The following KIF26B variants were observed in gnomAD, a reference collection of about 807,000 sequenced individuals.
KIF26B encodes kinesin family member 26B.
Under a neutral mutation model 151.2 loss-of-function variants are expected in KIF26B, and 63 were observed. The ratio of observed to expected loss-of-function variants is 0.42; its 90% CI spans 0.34 to 0.51. The LOEUF is 0.51. KIF26B is among the 20% of genes least tolerant of loss of function. KIF26B has a pLI of 0.07. For missense variants in KIF26B, 2,813 were observed against 2,913.6 expected (o/e 0.97, Z 0.79); for synonymous variants, 1,357 against 1,262.1 (o/e 1.08, Z -1.59).
intron 2 of KIF26B, among the ~76,000 whole-genome samples, chr1:245,294,124 T>C (rs1671299162): frequency 6.6e-6 from 1 of 152,164 alleles, no homozygotes; most frequent in South Asian, 2.1e-4. Flanking sequence ...ACGGAGTCTA[T>C]GGCAAGGTTC....
chr1:245,602,915 C>A lies in KIF26B; in HGVS notation c.1557+132C>A. On this transcript the variant is annotated intron_variant, in intron 6 of 14. Transcript: ENST00000407071. The surrounding 1 kb of genome is among the most constrained non-coding windows in gnomAD (Gnocchi z 4.5). ...TGGACCAGTTCCTTCAGGAGTCAATCTGAGCTCCACCGAATGGTCCAGTGC... is the reference window on the plus strand; with the variant it reads ...TGGACCAGTTCCTTCAGGAGTCAATATGAGCTCCACCGAATGGTCCAGTGC... 1 of 788,268 alleles carries A rather than the reference C, an allele frequency of 1.3e-6. No homozygotes were observed. 48.8% of individuals were successfully genotyped at this position (788,268 alleles called of 1,614,324 possible).
chr1:245,213,818 T>A (rs1277973269), intron 2 of KIF26B, among the ~76,000 whole-genome samples: 1 of 152,196 alleles, frequency 6.6e-6, no homozygotes, highest in East Asian at 1.9e-4. Context: ...CAGAATTTCC[T>A]GATTGAGGAT....
chr1:245,423,490 T>A (rs942891673), intron 4 of KIF26B, among the ~76,000 whole-genome samples: 1 of 150,802 alleles, frequency 6.6e-6, no homozygotes, highest in Admixed American at 6.6e-5. Flanking sequence ...TTTTTTTTTT[T>A]CACCGTAATC....
intron 2 of KIF26B, among the ~76,000 whole-genome samples, chr1:245,234,004 T>G (rs1214930682): frequency 6.6e-6 from 1 of 151,878 alleles, no homozygotes; most frequent in African/African-American, 2.4e-5. Flanking sequence ...GCCAACGTGG[T>G]AAAACCCTGT....
chr1:245,253,090 A>G (rs568120336), intron 2 of KIF26B, among the ~76,000 whole-genome samples: 1 of 150,218 alleles, frequency 6.7e-6, no homozygotes, highest in East Asian at 2.0e-4. Context: ...GCTCACTGCA[A>G]CTTCCACCTC....
intron 10 of KIF26B, among the ~76,000 whole-genome samples, chr1:245,681,706 G>A (rs2044441918): frequency 6.6e-6 from 1 of 152,190 alleles, no homozygotes; most frequent in Admixed American, 6.5e-5. Context: ...TAATGTAATA[G>A]ATAGCATTGG....
At chr1:245,669,669 C>G (rs2044259805) in intron 10 of KIF26B, among the ~76,000 whole-genome samples, 1 of 152,194 alleles carries the variant, frequency 6.6e-6, no homozygotes, top group Non-Finnish European at 1.5e-5. Flanking sequence ...AAAACAACAA[C>G]AGAAAATCAG....
chr1:245,573,552 T>C (rs577971669), intron 5 of KIF26B, among the ~76,000 whole-genome samples: 20 of 152,072 alleles, frequency 1.3e-4, no homozygotes, highest in African/African-American at 4.8e-4. Flanking sequence ...ATAATAATAA[T>C]GAGTGAAGAT....
intron 2 of KIF26B, among the ~76,000 whole-genome samples, chr1:245,231,579 C>T (rs1215293163): frequency 2.0e-5 from 3 of 152,144 alleles, no homozygotes; most frequent in Admixed American, 2.0e-4. Context: ...TGTGACTCTA[C>T]ATACTGAAAG....
At chr1:245,372,681 C>G (rs1357754128) in intron 3 of KIF26B, among the ~76,000 whole-genome samples, 1 of 152,202 alleles carries the variant, frequency 6.6e-6, no homozygotes, top group Non-Finnish European at 1.5e-5. Context: ...TGAATGGCAG[C>G]TGCTTTTGCC....
intron 12 of KIF26B, among the ~76,000 whole-genome samples, chr1:245,695,823 T>G (rs2044686375): frequency 3.7e-5 from 1 of 26,900 alleles, no homozygotes; most frequent in Non-Finnish European, 2.0e-4. Flanking sequence ...TGTTTTTACC[T>G]TCTCTACTCC....
At chr1:245,696,912 C>G (rs1267754110) in intron 12 of KIF26B, among the ~76,000 whole-genome samples, 1 of 152,154 alleles carries the variant, frequency 6.6e-6, no homozygotes, top group Non-Finnish European at 1.5e-5. Flanking sequence ...GCGTTCGAGA[C>G]CAGTCTGGCC....
At chr1:245,271,400 G>C (rs1301970445) in intron 2 of KIF26B, among the ~76,000 whole-genome samples, 1 of 151,960 alleles carries the variant, frequency 6.6e-6, no homozygotes, top group Non-Finnish European at 1.5e-5. Flanking sequence ...ATAGGATGTT[G>C]AATTTTCATA....
At chr1:245,207,471 T>G (rs2103541453) in intron 2 of KIF26B, among the ~76,000 whole-genome samples, 2 of 152,204 alleles carry the variant, frequency 1.3e-5, no homozygotes, top group Admixed American at 1.3e-4. Context: ...ACAGAGTGAG[T>G]AGCAGACGTG....
chr1:245,444,431 G>T (rs1042721395), intron 4 of KIF26B, among the ~76,000 whole-genome samples: 1 of 152,240 alleles, frequency 6.6e-6, no homozygotes, highest in African/African-American at 2.4e-5. Flanking sequence ...ACCTACACCC[G>T]CCCCTCCTCC....
intron 2 of KIF26B, among the ~76,000 whole-genome samples, chr1:245,160,760 T>C (rs535061816): frequency 6.6e-6 from 1 of 152,092 alleles, no homozygotes; most frequent in East Asian, 1.9e-4. Context: ...CCAGACATAC[T>C]GAGAAGGGTG....
At position 245,686,647 on chromosome 1, in the gene KIF26B, C is replaced by T. The variant is rs2044525913; in HGVS notation, c.3664C>T (p.Leu1222=). The T allele has an allele frequency of 6.2e-7, 1 of 1,610,946 alleles. No individual in the cohort carries two copies. Among genetic ancestry groups the T allele is most frequent in the Non-Finnish European group, 8.5e-7 (1 of 1,178,936 alleles). ...SFNSDCSARA[L]ASGSRPVSII... ...CAACAGCGACTGCTCTGCACGGGCC[C>T]TGGCCTCGGGCTCGCGGCCCGTCAG... The change falls in exon 12 of 15, where the codon CTG becomes TTG. Residue 1222 remains leucine (L), a synonymous_variant. Transcript: ENST00000407071. This position sits in a 1 kb window ranked among gnomAD's most constrained non-coding sequence, Gnocchi z 5.6.
Position 245,648,950 on chromosome 1 carries a change from C to G in KIF26B, c.2258+2670C>G, listed in dbSNP as rs1460901487. 3.3e-5 allele frequency among the ~76,000 whole-genome samples: 5 copies of G among 152,328 alleles called. No homozygotes were observed. In the East Asian group the frequency reaches 9.7e-4, roughly 29 times the overall value. On this transcript the variant is annotated intron_variant, in intron 10 of 14. Transcript: ENST00000407071. ...TGTTGATGGCGTGGGTACAGACTCA[C>G]CAGCTGCCCTTGCCCTGCCCTGCCT...
At chr1:245,579,481 G>A (rs974382772) in intron 5 of KIF26B, among the ~76,000 whole-genome samples, 3 of 151,608 alleles carry the variant, frequency 2.0e-5, no homozygotes, top group Middle Eastern at 3.4e-3. Flanking sequence ...CTGAGCGACA[G>A]AGCTAGACTC....
Sources: allele counts gnomAD v4.1 joint callset (sites outside exome capture counted in the v4.1 genomes callset), GRCh38; gene constraint gnomAD v4.1.1; non-coding constraint Gnocchi (gnomAD v3.1); transcripts MANE v1.5; gene names NCBI Gene and HGNC (gene_info 2026-07-23, HGNC 2026-07-21).